RBBP8: variants seen among roughly 807,000 people sequenced by gnomAD.
RBBP8 encodes the protein DNA endonuclease RBBP8.
RBBP8 carries 88 observed loss-of-function variants against 108.3 expected under a neutral mutation model. The ratio of observed to expected loss-of-function variants is 0.81; its 90% CI spans 0.68 to 0.97. RBBP8 has a LOEUF of 0.97. Ranked by LOEUF, RBBP8 falls within the 50% of genes least tolerant of loss-of-function variation. The probability of loss-of-function intolerance (pLI) is 0.00; values close to 1 mark genes in which losing one functional copy is unlikely to be tolerated. For synonymous variants in RBBP8, 332 were observed against 348.2 expected (o/e 0.95, Z 0.52); for missense variants, 1,023 against 1,049.0 (o/e 0.98, Z 0.34).
At chr18:22,985,941 A>G (rs1458303232) in intron 8 of RBBP8, among the ~76,000 whole-genome samples, 1 of 151,976 alleles carries the variant, frequency 6.6e-6, no homozygotes, top group African/African-American at 2.4e-5. Flanking sequence ...ATGATTTTCA[A>G]CTTTTCTTTT....
At chr18:22,962,910 A>C (rs1414601678) in intron 4 of RBBP8, among the ~76,000 whole-genome samples, 1 of 152,114 alleles carries the variant, frequency 6.6e-6, no homozygotes, top group African/African-American at 2.4e-5. Flanking sequence ...CCCAAAGTAC[A>C]TACCACCTTC....
At chr18:23,007,021 C>CTT (rs540477870) in intron 16 of RBBP8, among the ~76,000 whole-genome samples, 25 of 134,776 alleles carry the variant, frequency 1.9e-4, no homozygotes, top group Non-Finnish European at 3.4e-4. Flanking sequence ...GTGTGTATTT[C>CTT]TTTTTTTTTT....
chr18:22,941,118 T>G (rs1911049381), intron 2 of RBBP8, among the ~76,000 whole-genome samples: 1 of 152,048 alleles, frequency 6.6e-6, no homozygotes, highest in South Asian at 2.1e-4. Flanking sequence ...ATACAACTGG[T>G]TTTAGTGAGT....
intron 4 of RBBP8, among the ~76,000 whole-genome samples, chr18:22,953,432 A>G (rs1912212145): frequency 6.6e-6 from 1 of 152,138 alleles, no homozygotes; most frequent in African/African-American, 2.4e-5. Flanking sequence ...ATTACACTCA[A>G]ATTTACTGGA....
In RBBP8 at chr18:22,997,665, T is replaced by G. The variant is rs369646494; in HGVS notation, c.2074T>G (p.Cys692Gly). 3.7e-5 allele frequency: 60 copies of G among 1,610,936 alleles called. No individual in the cohort carries two copies. In the African/African-American group the frequency reaches 7.5e-4, roughly 20 times the overall value. ...AGGAGGAGAGACAGTGGACATGGAC[T>G]GTACATTGGTTAGTGAAACCGTTCT... Reference protein sequence around the residue: ...KLGGETVDMDCTLVSETVLLK... With the variant: ...KLGGETVDMDGTLVSETVLLK... The change falls in exon 14 of 19, where the codon TGT (cysteine) becomes GGT (glycine). Residue 692 changes from cysteine to glycine, a missense_variant. By Grantham distance (159) the Cys-to-Gly change is radical (BLOSUM62 -3). Transcript: ENST00000327155.
upstream of RBBP8, among the ~76,000 whole-genome samples, chr18:22,929,646 C>T (rs1909948361): frequency 6.6e-6 from 1 of 151,744 alleles, no homozygotes; most frequent in Admixed American, 6.6e-5. Context: ...CCTCCCACAG[C>T]GTTGAGGTTA....
At chr18:22,940,646 T>A (rs1056458928) in intron 2 of RBBP8, among the ~76,000 whole-genome samples, 3 of 151,958 alleles carry the variant, frequency 2.0e-5, no homozygotes, top group African/African-American at 7.3e-5. Flanking sequence ...ATTTTTTAAT[T>A]TTTAATTACT....
chr18:23,004,071 A>C (rs980219944), intron 15 of RBBP8, among the ~76,000 whole-genome samples: 1 of 151,006 alleles, frequency 6.6e-6, no homozygotes, highest in African/African-American at 2.4e-5. Context: ...AAAAAAAAAA[A>C]AAAAAAAAAA....
intron 3 of RBBP8, among the ~76,000 whole-genome samples, chr18:22,919,246 T>C (rs1466538831): frequency 6.6e-6 from 1 of 152,158 alleles, no homozygotes; most frequent in Non-Finnish European, 1.5e-5. Flanking sequence ...CTTGCTTAAC[T>C]AAAAAGAGGT....
At chr18:22,999,611 C>A (rs531116206) in intron 14 of RBBP8, among the ~76,000 whole-genome samples, 1 of 151,220 alleles carries the variant, frequency 6.6e-6, no homozygotes, top group South Asian at 2.1e-4. Context: ...TTGTAAGAAC[C>A]GCACATGGAA....
chr18:23,000,532 A>G (rs947941922), intron 14 of RBBP8, among the ~76,000 whole-genome samples: 4 of 152,166 alleles, frequency 2.6e-5, no homozygotes, highest in African/African-American at 7.2e-5. Flanking sequence ...ACTTGAGGTC[A>G]GGAGTTTGAG....
At chr18:23,012,166 C>A (rs920107549) in intron 16 of RBBP8, among the ~76,000 whole-genome samples, 3 of 139,324 alleles carry the variant, frequency 2.2e-5, no homozygotes, top group Admixed American at 1.5e-4. Context: ...TGTGATCGCG[C>A]CACTGCACTC....
intron 3 of RBBP8, among the ~76,000 whole-genome samples, chr18:22,918,775 A>C (rs1909468084): frequency 6.6e-6 from 1 of 152,008 alleles, no homozygotes; most frequent in Non-Finnish European, 1.5e-5. Context: ...CACCTGGATA[A>C]TTTTTTTAAA....
intron 15 of RBBP8, among the ~76,000 whole-genome samples, chr18:23,004,312 C>T (rs913277677): frequency 6.6e-6 from 1 of 151,966 alleles, no homozygotes; most frequent in Non-Finnish European, 1.5e-5. Context: ...TACATAGACA[C>T]ACAAAAATAC....
intron 16 of RBBP8, 57 bp from the exon 17 acceptor site, chr18:23,016,771 G>T (rs2046261632): frequency 1.6e-6 from 2 of 1,221,592 alleles, no homozygotes; most frequent in Non-Finnish European, 2.4e-6. Flanking sequence ...GAATGTTTTG[G>T]GGATTATTTC....
chr18:22,945,799 A>G (rs1193478855), intron 2 of RBBP8, among the ~76,000 whole-genome samples: 1 of 152,088 alleles, frequency 6.6e-6, no homozygotes, highest in Non-Finnish European at 1.5e-5. Context: ...ATATTTGTTC[A>G]GTGACTTTTT....
chr18:22,939,637 C>G (rs1364938691), intron 2 of RBBP8, among the ~76,000 whole-genome samples: 2 of 152,132 alleles, frequency 1.3e-5, no homozygotes, highest in African/African-American at 2.4e-5. Flanking sequence ...AGTATTCTTT[C>G]AAGCCCCAGT....
chr18:22,937,485 C>CT (rs781096985), intron 2 of RBBP8, among the ~76,000 whole-genome samples: 4,028 of 142,474 alleles, frequency 0.028, 66 homozygotes, highest in Middle Eastern at 0.09. Flanking sequence ...TCAAAGATAT[C>CT]TTTTTTTTTT....
At chr18:22,966,446 G>A (rs900000716) in intron 4 of RBBP8, among the ~76,000 whole-genome samples, 1 of 151,538 alleles carries the variant, frequency 6.6e-6, no homozygotes, top group Non-Finnish European at 1.5e-5. Flanking sequence ...TGTATAAAAT[G>A]TCTGGGTTCT....
Sources: gnomAD v4.1 joint callset for allele counts (sites outside exome capture counted in the v4.1 genomes callset) on GRCh38, gnomAD v4.1.1 for gene constraint, MANE v1.5 for transcripts, NCBI Gene and HGNC (gene_info 2026-07-23, HGNC 2026-07-21) for gene names.